ABTB2: variants seen among roughly 807,000 people sequenced by gnomAD.
ABTB2 encodes ankyrin repeat and BTB/POZ domain-containing protein 2.
Under a neutral mutation model 104.1 loss-of-function variants are expected in ABTB2, and 56 were observed. That is an observed-to-expected ratio of 0.54 (90% CI 0.43 to 0.67). The LOEUF is 0.67. Ranked by LOEUF, ABTB2 falls within the 30% of genes least tolerant of loss-of-function variation. ABTB2 has a pLI of 0.00. For missense variants in ABTB2, 1,279 were observed against 1,407.7 expected (o/e 0.91, Z 1.46); for synonymous variants, 606 against 608.2 (o/e 1.00, Z 0.05).
chr11:34,162,987 T>C (rs896466011), intron 9 of ABTB2, among the ~76,000 whole-genome samples, 182 bp from the exon 10 acceptor site: 28 of 152,140 alleles, frequency 1.8e-4, no homozygotes, highest in Admixed American at 5.2e-4. Flanking sequence ...CCCATATACC[T>C]CTGAGAGGCA....
intron 1 of ABTB2, among the ~76,000 whole-genome samples, chr11:34,350,325 C>A (rs974373035): frequency 6.6e-6 from 1 of 152,210 alleles, no homozygotes; most frequent in African/African-American, 2.4e-5. Context: ...AGACTCAAAT[C>A]CCTCTTGGTG....
At chr11:34,219,402 AG>A (rs1256381244) in intron 1 of ABTB2, among the ~76,000 whole-genome samples, 1 of 152,106 alleles carries the variant, frequency 6.6e-6, no homozygotes, top group Non-Finnish European at 1.5e-5. Flanking sequence ...AAAATTAGCC[AG>A]GCATGGTGGC....
At chr11:34,354,508 G>T (rs1034853634) in intron 1 of ABTB2, among the ~76,000 whole-genome samples, 2 of 145,132 alleles carry the variant, frequency 1.4e-5, no homozygotes, top group South Asian at 2.4e-4. Flanking sequence ...GGGGTGGGGG[G>T]GTAGGTGGTG....
intron 1 of ABTB2, among the ~76,000 whole-genome samples, chr11:34,344,755 C>T (rs12272354): frequency 0.18 from 27,083 of 152,174 alleles, 2,658 homozygotes; most frequent in Admixed American, 0.23. Context: ...GCCTCAGCCT[C>T]CTAAGGTGCT....
Position 34,154,338 on chromosome 11 carries a change from T to C in ABTB2, c.2807A>G (p.Gln936Arg). The C allele has an allele frequency of 6.2e-7, 1 of 1,613,936 alleles. No individual in the cohort carries two copies. The highest frequency in any genetic ancestry group is 8.5e-7 in the Non-Finnish European group (1 of 1,179,964). ...AASLFQLDAL[Q>R]RHCEILCSQT... The stretch of plus-strand genomic sequence containing the variant: ...GGAGCACAGGATCTCGCAGTGCCTC[T>C]GCAGGGCATCCAGCTGGAACAGGCT... The change falls in exon 16 of 17, where the codon CAG becomes CGG. Residue 936 changes from glutamine (Q) to arginine (R), a missense_variant. Physicochemically the swap from Gln to Arg is conservative, Grantham distance 43. Transcript: ENST00000435224. The surrounding 1 kb of genome is among the most constrained non-coding windows in gnomAD (Gnocchi z 4.9).
At chr11:34,274,158 CAAAAAAAAAAAA>C (rs763755237) in intron 1 of ABTB2, among the ~76,000 whole-genome samples, 35 of 50,746 alleles carry the variant, frequency 6.9e-4, no homozygotes, top group African/African-American at 1.4e-3. Flanking sequence ...GACTCCGTCT[CAAAAAAAAAAAA>C]AAAAAAAAAA....
chr11:34,334,961 T>C (rs890867930), intron 1 of ABTB2, among the ~76,000 whole-genome samples: 2 of 152,220 alleles, frequency 1.3e-5, no homozygotes, highest in African/African-American at 4.8e-5. Flanking sequence ...ACATTTGCAA[T>C]TTTAAAATCC....
intron 1 of ABTB2, among the ~76,000 whole-genome samples, chr11:34,352,710 T>C (rs1855414014): frequency 6.6e-6 from 1 of 152,194 alleles, no homozygotes; most frequent in Admixed American, 6.5e-5. Context: ...GATGACAAAA[T>C]TGAAGGTTAG....
chr11:34,250,997 CAT>C (rs1854049087), intron 1 of ABTB2, among the ~76,000 whole-genome samples: 2 of 152,220 alleles, frequency 1.3e-5, no homozygotes, highest in African/African-American at 2.4e-5. Context: ...TGCCATCAAA[CAT>C]GTGTTTTTAC....
intron 3 of ABTB2, among the ~76,000 whole-genome samples, chr11:34,176,840 T>A (rs1852966069): frequency 1.3e-5 from 2 of 152,296 alleles, no homozygotes; most frequent in South Asian, 4.1e-4. Context: ...TGAGATTCTA[T>A]GGGGGGATCT....
chr11:34,166,305 A>C (rs923765649), intron 7 of ABTB2, among the ~76,000 whole-genome samples: 4 of 152,258 alleles, frequency 2.6e-5, no homozygotes, highest in Non-Finnish European at 4.4e-5. Flanking sequence ...GAGATGCAGC[A>C]GTCAGAAATC....
chr11:34,266,865 AG>A (rs937175216), intron 1 of ABTB2, among the ~76,000 whole-genome samples: 1 of 144,854 alleles, frequency 6.9e-6, no homozygotes. Context: ...GATGGGGGCC[AG>A]TGGGTGGGAG....
chr11:34,264,382 G>A (rs1250562895), intron 1 of ABTB2, among the ~76,000 whole-genome samples: 1 of 152,192 alleles, frequency 6.6e-6, no homozygotes, highest in Non-Finnish European at 1.5e-5. Context: ...TCAGAGGTCT[G>A]GATACAGCCA....
At chr11:34,197,579 AAAG>A (rs1215218228) in intron 2 of ABTB2, 41 bp from the exon 3 acceptor site, 1 of 1,364,792 alleles carries the variant, frequency 7.3e-7, no homozygotes, top group African/African-American at 1.4e-5. Context: ...GAAGAGAAAA[AAAG>A]AAGACAAAGT....
At chr11:34,332,653 G>A (rs1018237452) in intron 1 of ABTB2, among the ~76,000 whole-genome samples, 1 of 152,038 alleles carries the variant, frequency 6.6e-6, no homozygotes, top group Non-Finnish European at 1.5e-5. Context: ...ACCACCCCCC[G>A]AGCCCAGGGG....
chr11:34,313,752 G>C (rs753583308), intron 1 of ABTB2, among the ~76,000 whole-genome samples: 1 of 152,206 alleles, frequency 6.6e-6, no homozygotes, highest in Non-Finnish European at 1.5e-5. Context: ...GCAACTCTAC[G>C]GAGAAACAAG....
chr11:34,235,561 A>G (rs1049050486), intron 1 of ABTB2, among the ~76,000 whole-genome samples: 1 of 152,180 alleles, frequency 6.6e-6, no homozygotes, highest in Non-Finnish European at 1.5e-5. Context: ...GCCTCTGTTC[A>G]ATAAGCCCCA....
intron 1 of ABTB2, among the ~76,000 whole-genome samples, chr11:34,248,444 CAAAA>C (rs1032302660): frequency 6.6e-6 from 1 of 151,582 alleles, no homozygotes; most frequent in African/African-American, 2.4e-5. Flanking sequence ...AACAAACAAA[CAAAA>C]AAAACCCTTC....
chr11:34,177,605 G>C (rs1241511240), intron 3 of ABTB2, among the ~76,000 whole-genome samples: 1 of 152,084 alleles, frequency 6.6e-6, no homozygotes, highest in Non-Finnish European at 1.5e-5. Flanking sequence ...CCTATCTGAG[G>C]CTTCAGAGTA....
Sources: gnomAD v4.1 joint callset for allele counts (sites outside exome capture counted in the v4.1 genomes callset) on GRCh38, gnomAD v4.1.1 for gene constraint, Gnocchi (gnomAD v3.1) non-coding constraint, MANE v1.5 for transcripts, NCBI Gene and HGNC (gene_info 2026-07-23, HGNC 2026-07-21) for gene names.